The following C11orf65 variants were observed in gnomAD, a reference collection of about 807,000 sequenced individuals.
C11orf65 encodes protein MFI.
Under a neutral mutation model 35.3 loss-of-function variants are expected in C11orf65, and 38 were observed. That is an observed-to-expected ratio of 1.08 (90% CI 0.83 to 1.41). C11orf65 has a LOEUF of 1.41. Among genes scored for constraint, C11orf65 ranks in the 40% most tolerant of loss-of-function variants. C11orf65 has a pLI of 0.00. For synonymous variants in C11orf65, 105 were observed against 114.4 expected, an observed-to-expected ratio of 0.92 and a Z score of 0.53; for missense variants, 370 against 367.1, an observed-to-expected ratio of 1.01 and a Z score of -0.06.
intron 3 of C11orf65, among the ~76,000 whole-genome samples, chr11:108,408,505 GTC>G (rs2092588288): frequency 6.6e-6 from 1 of 151,398 alleles, no homozygotes; most frequent in Non-Finnish European, 1.5e-5. Flanking sequence ...GTGAAACCCT[GTC>G]TCTACTAAAA....
chr11:108,410,508 C>T (rs904678960), intron 3 of C11orf65, among the ~76,000 whole-genome samples: 1 of 152,062 alleles, frequency 6.6e-6, no homozygotes, highest in Non-Finnish European at 1.5e-5. Context: ...CACGCACCAT[C>T]GTGACAGGCT....
chr11:108,452,304 T>G (rs1336356679), intron 2 of C11orf65, among the ~76,000 whole-genome samples: 1 of 151,912 alleles, frequency 6.6e-6, no homozygotes, highest in Non-Finnish European at 1.5e-5. Flanking sequence ...TAAACAAATT[T>G]ACAAGAAAAA....
chr11:108,454,536 G>A (rs1221007178), intron 2 of C11orf65, among the ~76,000 whole-genome samples: 1 of 152,126 alleles, frequency 6.6e-6, no homozygotes, highest in Non-Finnish European at 1.5e-5. Context: ...GACCTCAGGT[G>A]ATCCGCCCAC....
chr11:108,443,312 C>A (rs564574018), intron 2 of C11orf65, among the ~76,000 whole-genome samples: 4,970 of 152,178 alleles, frequency 0.033, 267 homozygotes, highest in African/African-American at 0.11. Context: ...CAGGAGCACC[C>A]AGATTCATAA....
intron 2 of C11orf65, among the ~76,000 whole-genome samples, chr11:108,341,299 C>T (rs1157646837): frequency 6.6e-6 from 1 of 152,160 alleles, no homozygotes; most frequent in Non-Finnish European, 1.5e-5. Flanking sequence ...GCTTCTGCTG[C>T]AGTGTTACCC....
chr11:108,457,100 C>T (rs961861487), intron 2 of C11orf65, among the ~76,000 whole-genome samples: 5 of 151,928 alleles, frequency 3.3e-5, no homozygotes, highest in Admixed American at 2.0e-4. Context: ...GATTCTATGT[C>T]AGCCTGATGG....
chr11:108,313,015 G>T (rs190707426), intron 6 of C11orf65, among the ~76,000 whole-genome samples: 3 of 151,984 alleles, frequency 2.0e-5, no homozygotes, highest in South Asian at 2.1e-4. Context: ...CTTCTATGCC[G>T]CTGCTTTCAG....
intron 2 of C11orf65, among the ~76,000 whole-genome samples, chr11:108,447,824 C>G (rs1283335594): frequency 6.6e-6 from 1 of 151,918 alleles, no homozygotes; most frequent in African/African-American, 2.4e-5. Context: ...AAAAACGCTT[C>G]AAAAAATTAA....
upstream of C11orf65, among the ~76,000 whole-genome samples, chr11:108,468,142 G>C (rs1056726054): frequency 6.6e-6 from 1 of 152,092 alleles, no homozygotes; most frequent in Admixed American, 6.5e-5. Flanking sequence ...CACCGCGCCC[G>C]GCCTATTTAA....
chr11:108,428,578 G>A lies in C11orf65; in HGVS notation c.174+3168C>T, dbSNP rs972974242. Among the ~76,000 whole-genome samples, 18 of 152,194 alleles carry A rather than the reference G, an allele frequency of 1.2e-4. No homozygotes were observed. In the South Asian group the frequency reaches 1.9e-3, roughly 16 times the overall value. On this transcript the variant is annotated intron_variant, in intron 3 of 8. Transcript: ENST00000393084. ...ACACAGGAACAGAAAACCAGACACC[G>A]CACATTCTCACTCATAAGTGGGAGT... is the stretch of plus-strand genomic sequence containing the variant.
intron 2 of C11orf65, among the ~76,000 whole-genome samples, chr11:108,364,693 C>T (rs1395483848): frequency 6.6e-6 from 1 of 152,158 alleles, no homozygotes; most frequent in Non-Finnish European, 1.5e-5. Flanking sequence ...CTCCAGTTCC[C>T]ACATCCCAAT....
chr11:108,384,532 G>C (rs1444933321), intron 8 of C11orf65, among the ~76,000 whole-genome samples: 1 of 152,118 alleles, frequency 6.6e-6, no homozygotes, highest in African/African-American at 2.4e-5. Flanking sequence ...TCTGAATCAA[G>C]AGTCCACAAT....
intron 1 of C11orf65, among the ~76,000 whole-genome samples, chr11:108,461,835 C>T (rs2135765159): frequency 6.6e-6 from 1 of 151,924 alleles, no homozygotes; most frequent in South Asian, 2.1e-4. Context: ...TGGGGTCTTG[C>T]TATGTTGCCC....
At chr11:108,336,625 A>G (rs2086889637) in intron 2 of C11orf65, among the ~76,000 whole-genome samples, 2 of 152,244 alleles carry the variant, frequency 1.3e-5, no homozygotes, top group South Asian at 4.1e-4. Context: ...ATTGTAGTGA[A>G]TAACCTTGAA....
chr11:108,353,426 C>T (rs1203611726), intron 2 of C11orf65, among the ~76,000 whole-genome samples: 4 of 152,086 alleles, frequency 2.6e-5, no homozygotes, highest in Admixed American at 2.6e-4. Flanking sequence ...GGATTACAGG[C>T]GGGAGCCACC....
At chr11:108,380,609 G>C (rs2091848790), downstream of C11orf65, among the ~76,000 whole-genome samples, 1 of 152,206 alleles carries the variant, frequency 6.6e-6, no homozygotes, top group African/African-American at 2.4e-5. Flanking sequence ...CTACAGAAGA[G>C]TCATGATGGC....
chr11:108,379,086 A>G (rs1484644747), downstream of C11orf65, among the ~76,000 whole-genome samples: 1 of 152,082 alleles, frequency 6.6e-6, no homozygotes, highest in African/African-American at 2.4e-5. Flanking sequence ...TCGGGGATCT[A>G]GAACTAGAAA....
At position 108,386,025 on chromosome 11, in the gene C11orf65, A is replaced by G. The variant is rs1483356935; in HGVS notation, c.732-50T>C. The G allele has an allele frequency of 2.1e-6, 3 of 1,437,970 alleles. No individual in the cohort carries two copies. The South Asian group carries it at 3.6e-5, about 17-fold the overall frequency. 89.1% of individuals were successfully genotyped at this position (1,437,970 alleles called of 1,614,324 possible). ...TTAAATTTAATCGATTCATTAGTAC[A>G]TACTTAGACTACTTCTAAAATTCCA... On this transcript the variant is annotated intron_variant, in intron 7 of 8. Transcript: ENST00000393084.
chr11:108,464,742 G>A (rs1437638313), intron 1 of C11orf65, among the ~76,000 whole-genome samples: 1 of 152,122 alleles, frequency 6.6e-6, no homozygotes, highest in East Asian at 1.9e-4. Context: ...GGGACCTGTG[G>A]ACTGAGGAGC....
Sources: gnomAD v4.1 joint callset for allele counts (sites outside exome capture counted in the v4.1 genomes callset) on GRCh38, gnomAD v4.1.1 for gene constraint, MANE v1.5 for transcripts, NCBI Gene and HGNC (gene_info 2026-07-23, HGNC 2026-07-21) for gene names.